KMT2C: variants seen among roughly 807,000 people sequenced by gnomAD.
KMT2C encodes lysine methyltransferase 2C.
Under a neutral mutation model 507.9 loss-of-function variants are expected in KMT2C, and 88 were observed. The ratio of observed to expected loss-of-function variants is 0.17; its 90% confidence interval spans 0.15 to 0.21. The LOEUF (loss-of-function observed/expected upper bound fraction) is 0.21, where lower values mean the gene tolerates loss of function less well. KMT2C is among the 10% of genes least tolerant of loss of function. The pLI is 1.00. For synonymous variants in KMT2C, 2,049 were observed against 2,080.8 expected (o/e 0.98, Z 0.42); for missense variants, 4,954 against 5,957.8 (o/e 0.83, Z 5.55).
chr7:152,239,842 G>T (rs2095351711), intron 14 of KMT2C, among the ~76,000 whole-genome samples: 1 of 152,076 alleles, frequency 6.6e-6, no homozygotes, highest in African/African-American at 2.4e-5. Flanking sequence ...TACTTACCAG[G>T]TTTCTAGAAT....
intron 6 of KMT2C, among the ~76,000 whole-genome samples, chr7:152,275,355 T>C (rs1432645989): frequency 1.3e-5 from 2 of 152,092 alleles, no homozygotes; most frequent in Non-Finnish European, 2.9e-5. Flanking sequence ...CCATCCTGGC[T>C]AACACAGTGA....
rs1439970569 is a variant in KMT2C, at chr7:152,158,800, C to G, written c.11670+63G>C. The stretch of plus-strand genomic sequence containing the variant: ...AAAGTGCTGGGATTACAGGCATGAG[C>G]CACTGCCCCCAGCCTATATCCTTGA... On this transcript the variant is annotated intron_variant, in intron 44 of 58. Transcript: ENST00000262189. 3.4e-6 allele frequency: 5 copies of G among 1,467,306 alleles called. No individual in the cohort carries two copies. The Admixed American group carries it at 8.4e-5, about 25-fold the overall frequency. The allele number at this position is 1,467,306 out of a possible 1,614,324, so 90.9% of individuals were successfully genotyped here.
intron 6 of KMT2C, among the ~76,000 whole-genome samples, chr7:152,301,623 G>C (rs943062358): frequency 1.3e-5 from 2 of 152,164 alleles, no homozygotes; most frequent in African/African-American, 2.4e-5. Context: ...AGAAGTCAAG[G>C]TTGCAGTAAG....
At chr7:152,173,065 G>A (rs978900196) in intron 39 of KMT2C, among the ~76,000 whole-genome samples, 6 of 152,026 alleles carry the variant, frequency 3.9e-5, no homozygotes, top group Non-Finnish European at 8.8e-5. Flanking sequence ...AAACAGTTAG[G>A]AATCTCTATG....
chr7:152,407,696 GAA>G (rs5888469), intron 1 of KMT2C, among the ~76,000 whole-genome samples: 2 of 151,132 alleles, frequency 1.3e-5, no homozygotes, highest in African/African-American at 4.9e-5. Context: ...GGTAGCAAAG[GAA>G]AAAAAAAAAA....
intron 33 of KMT2C, 121 bp downstream of exon 33, chr7:152,187,141 A>G: frequency 1.4e-6 from 1 of 714,282 alleles, no homozygotes; most frequent in Non-Finnish European, 2.4e-6. Context: ...GGGAATCTTC[A>G]TGTTGTGGGT....
chr7:152,370,618 A>G (rs1333027502), intron 1 of KMT2C, among the ~76,000 whole-genome samples: 1 of 152,232 alleles, frequency 6.6e-6, no homozygotes, highest in Admixed American at 6.5e-5. Flanking sequence ...CATCAAGAAT[A>G]TATTAGCAAA....
At chr7:152,170,821 G>T (rs1483486504) in intron 40 of KMT2C, among the ~76,000 whole-genome samples, 1 of 152,066 alleles carries the variant, frequency 6.6e-6, no homozygotes, top group African/African-American at 2.4e-5. Flanking sequence ...ATTTATAGAA[G>T]TTTTACATTT....
At chr7:152,281,606 C>T (rs2096211079) in intron 6 of KMT2C, among the ~76,000 whole-genome samples, 1 of 152,158 alleles carries the variant, frequency 6.6e-6, no homozygotes, top group Non-Finnish European at 1.5e-5. Context: ...GTGGCAGGCG[C>T]CTGTAATCCC....
chr7:152,194,059 G>A lies in KMT2C; in HGVS notation c.4610C>T (p.Pro1537Leu). The change falls in exon 31 of 59, where the codon CCA becomes CTA. Residue 1537 changes from proline to leucine, a missense_variant. Physicochemically the swap from Pro to Leu is moderately conservative, Grantham distance 98. Transcript: ENST00000262189. ...TGTTGGTGGGGGAGGCTGTGGCAAT[G>A]GAGTTGGCTGAGTGTTCGCAGGACT... The part of the protein sequence containing the change: ...VLSPANTQPT[P>L]LPQPPPPTQL... 6.3e-7 allele frequency: 1 copy of A among 1,591,906 alleles called. No homozygotes were observed. Among genetic ancestry groups the A allele is most frequent in the Admixed American group, 1.9e-5 (1 of 53,694 alleles).
At chr7:152,189,018 G>A (rs918840355) in intron 31 of KMT2C, among the ~76,000 whole-genome samples, 3 of 151,998 alleles carry the variant, frequency 2.0e-5, no homozygotes, top group African/African-American at 7.3e-5. Context: ...CTCTGGTTTT[G>A]GCCTAATTTT....
At chr7:152,409,755 T>A (rs1381195813) in intron 1 of KMT2C, among the ~76,000 whole-genome samples, 1 of 151,644 alleles carries the variant, frequency 6.6e-6, no homozygotes, top group Non-Finnish European at 1.5e-5. Context: ...AAAATAAAAA[T>A]AAATAAAATA....
At chr7:152,185,734 C>T (rs997875040) in intron 33 of KMT2C, 103 bp from the exon 34 acceptor site, 17 of 871,630 alleles carry the variant, frequency 2.0e-5, no homozygotes, top group African/African-American at 5.0e-5. Context: ...TTATTCAGGC[C>T]GTATTCTCAT....
intron 23 of KMT2C, among the ~76,000 whole-genome samples, chr7:152,213,573 A>G (rs1232236353): frequency 1.3e-5 from 2 of 152,094 alleles, no homozygotes; most frequent in African/African-American, 2.4e-5. Context: ...AGCAACTCAA[A>G]ATAGATTAAA....
chr7:152,351,851 T>C (rs901265149), intron 2 of KMT2C, among the ~76,000 whole-genome samples: 9 of 152,186 alleles, frequency 5.9e-5, no homozygotes, highest in African/African-American at 2.2e-4. Context: ...CTGAGGAGGA[T>C]GTATGTCGCC....
intron 1 of KMT2C, among the ~76,000 whole-genome samples, chr7:152,419,401 A>G (rs566897872): frequency 1.6e-4 from 25 of 152,270 alleles, no homozygotes; most frequent in African/African-American, 5.8e-4. Context: ...ACAACATCAA[A>G]AACAATGAAA....
chr7:152,348,508 A>G (rs1358454714), intron 2 of KMT2C, among the ~76,000 whole-genome samples: 1 of 149,850 alleles, frequency 6.7e-6, no homozygotes, highest in African/African-American at 2.4e-5. Flanking sequence ...CTGAGGTAAG[A>G]GAATCGCCTG....
chr7:152,368,455 G>C (rs1217145080), intron 1 of KMT2C: 3 of 1,211,068 alleles, frequency 2.5e-6, no homozygotes, highest in African/African-American at 3.0e-5. Flanking sequence ...CAAATAAAAA[G>C]TTCAAAAACT....
At chr7:152,293,001 G>A (rs914533771) in intron 6 of KMT2C, among the ~76,000 whole-genome samples, 1 of 152,070 alleles carries the variant, frequency 6.6e-6, no homozygotes, top group African/African-American at 2.4e-5. Flanking sequence ...CAGTGGAAAG[G>A]CTAGTCTAAA....
Sources: gnomAD v4.1 joint callset for allele counts (sites outside exome capture counted in the v4.1 genomes callset) on GRCh38, gnomAD v4.1.1 for gene constraint, MANE v1.5 for transcripts, NCBI Gene and HGNC (gene_info 2026-07-23, HGNC 2026-07-21) for gene names.